ADGRE3: variants seen among roughly 807,000 people sequenced by gnomAD.
The protein encoded by ADGRE3 is adhesion G protein-coupled receptor E3, also known as EGF-like module receptor 3.
ADGRE3 carries 88 observed loss-of-function variants against 80.1 expected under a neutral mutation model. The observed-to-expected ratio is 1.10, with a 90% CI of 0.93 to 1.31. ADGRE3 has a LOEUF of 1.31. Among genes scored for constraint, ADGRE3 ranks in the 40% most tolerant of loss-of-function variants. The pLI, the probability that ADGRE3 is intolerant of heterozygous loss-of-function variation, is 0.00. For missense variants in ADGRE3, 715 were observed against 776.5 expected (o/e 0.92, Z 0.94); for synonymous variants, 281 against 294.8 (o/e 0.95, Z 0.48).
At chr19:14,619,667 A>C (rs1291248935) in intron 15 of ADGRE3, among the ~76,000 whole-genome samples, 196 bp from the exon 16 acceptor site, 1 of 152,246 alleles carries the variant, frequency 6.6e-6, no homozygotes, top group African/African-American at 2.4e-5. Context: ...AGACTTATCA[A>C]AAATTCAGCA....
intron 2 of ADGRE3, among the ~76,000 whole-genome samples, chr19:14,664,392 G>A (rs1466793134): frequency 6.6e-6 from 1 of 151,998 alleles, no homozygotes; most frequent in East Asian, 1.9e-4. Flanking sequence ...AGCCGAGATC[G>A]CGCCATTGTG....
chr19:14,616,882 T>C (rs909022618), downstream of ADGRE3, among the ~76,000 whole-genome samples: 1 of 149,476 alleles, frequency 6.7e-6, no homozygotes, highest in Non-Finnish European at 1.5e-5. Flanking sequence ...GCAACCTCCA[T>C]CTCCCGGGTT....
At chr19:14,617,289 TTC>T (rs1272535101), downstream of ADGRE3, among the ~76,000 whole-genome samples, 4 of 150,344 alleles carry the variant, frequency 2.7e-5, no homozygotes, top group South Asian at 2.1e-4. Context: ...TTCTTTCTCT[TTC>T]TCTCTCTCTT....
chr19:14,666,266 A>AT (rs1972103874), intron 2 of ADGRE3, among the ~76,000 whole-genome samples: 1 of 151,126 alleles, frequency 6.6e-6, no homozygotes, highest in African/African-American at 2.4e-5. Context: ...AACATCTATT[A>AT]TTTTTTTATT....
chr19:14,610,444 A>C, the ADGRE3 span: 3 of 524,208 alleles, frequency 5.7e-6, no homozygotes, highest in East Asian at 9.9e-5. Flanking sequence ...GAGGTCTCCC[A>C]CTTCTGGGGT....
At chr19:14,625,801 A>G (rs574217410) in intron 14 of ADGRE3, among the ~76,000 whole-genome samples, 3 of 152,336 alleles carry the variant, frequency 2.0e-5, no homozygotes, top group Non-Finnish European at 4.4e-5. Context: ...ATGAACCTTG[A>G]GGACATCAGG....
intron 10 of ADGRE3, among the ~76,000 whole-genome samples, chr19:14,639,286 G>A (rs917808164): frequency 2.0e-5 from 3 of 152,008 alleles, no homozygotes; most frequent in African/African-American, 7.2e-5. Flanking sequence ...ATTTCATAAT[G>A]TGTATGTCTA....
chr19:14,655,747 C>G (rs1030814221), intron 5 of ADGRE3, among the ~76,000 whole-genome samples: 1 of 151,928 alleles, frequency 6.6e-6, no homozygotes, highest in Admixed American at 6.6e-5. Context: ...TAGGAGTGAG[C>G]CACCGTGCCT....
Position 14,641,340 on chromosome 19 carries a change from A to G in ADGRE3, c.1248+79T>C, listed in dbSNP as rs575129327. ...CTACAGACCCAAGGACATTTTATTA[A>G]GGAATCTAGTGCAGCATTGCTCCAT... On this transcript the variant is annotated intron_variant, in intron 10 of 15. Transcript: ENST00000253673. 29 of 1,553,786 alleles carry G rather than the reference A, an allele frequency of 1.9e-5. No individual in the cohort carries two copies. The East Asian group carries it at 6.3e-4, about 34-fold the overall frequency.
At chr19:14,666,527 C>T (rs1972112667) in intron 2 of ADGRE3, among the ~76,000 whole-genome samples, 1 of 152,100 alleles carries the variant, frequency 6.6e-6, no homozygotes, top group African/African-American at 2.4e-5. Flanking sequence ...CAGATGCACA[C>T]CATCACACCT....
At chr19:14,641,747 A>G (rs1971257824) in intron 9 of ADGRE3, 131 bp from the exon 10 acceptor site, 2 of 1,104,666 alleles carry the variant, frequency 1.8e-6, no homozygotes, top group Non-Finnish European at 2.6e-6. Flanking sequence ...CTGCTAATGT[A>G]GATTGCTAAT....
rs776892717 is a variant in ADGRE3 at position 14,630,147 on chromosome 19, G to A, written c.1704C>T (p.Gly568=). 3 of 1,613,604 alleles carry A rather than the reference G, an allele frequency of 1.9e-6. No homozygotes were observed. Among genetic ancestry groups the A allele is most frequent in the South Asian group, 2.2e-5 (2 of 91,022 alleles). Residue 568 remains glycine (G), a synonymous_variant, in exon 14 of 16, where the codon GGC becomes GGT. Coordinates refer to ENST00000253673, the MANE Select transcript of ADGRE3 (RefSeq NM_032571.5). ...LFILGCTWCL[G]LLQVGPAAQV... ...GGGCAGCTGGACCCACCTGTAGCAA[G>A]CCCAGACACCATGTGCAGCCCAGGA...
chr19:14,648,329 T>C (rs368937216), intron 7 of ADGRE3, among the ~76,000 whole-genome samples: 114 of 152,238 alleles, frequency 7.5e-4, no homozygotes, highest in African/African-American at 2.7e-3. Flanking sequence ...TGAATTTGTG[T>C]TTGGCCTGCA....
the ADGRE3 span, chr19:14,611,239 A>G: frequency 6.6e-6 from 1 of 152,144 alleles, no homozygotes; most frequent in Admixed American, 6.6e-5. Context: ...GGTCTCAAAC[A>G]GCACAAATAA....
At chr19:14,620,439 T>A (rs12985372) in intron 15 of ADGRE3, among the ~76,000 whole-genome samples, 1 of 144,312 alleles carries the variant, frequency 6.9e-6, no homozygotes, top group South Asian at 2.1e-4. Context: ...AATATATATG[T>A]ATATTCATGT....
chr19:14,602,443 C>T, the ADGRE3 span, among the ~76,000 whole-genome samples: 5 of 152,104 alleles, frequency 3.3e-5, no homozygotes, highest in Non-Finnish European at 7.4e-5. Flanking sequence ...CAGGTGTGTG[C>T]CACCATGCCT....
intron 10 of ADGRE3, among the ~76,000 whole-genome samples, chr19:14,639,236 G>A (rs1379386285): frequency 6.6e-6 from 1 of 152,096 alleles, no homozygotes; most frequent in Admixed American, 6.5e-5. Context: ...GAAATGATAA[G>A]TATGGAAGTG....
chr19:14,625,684 G>T, intron 14 of ADGRE3, 85 bp from the exon 15 acceptor site: 1 of 758,456 alleles, frequency 1.3e-6, no homozygotes, highest in Non-Finnish European at 2.3e-6. Flanking sequence ...AGAGGATAGA[G>T]ATGTATTATT....
chr19:14,620,531 T>TG lies in ADGRE3; in HGVS notation c.1921-1061_1921-1060insC, dbSNP rs1568471310. Among the ~76,000 whole-genome samples, 17 of 11,636 alleles carry TG rather than the reference T, an allele frequency of 1.5e-3. 1 individual carries two copies. Among genetic ancestry groups the TG allele is most frequent in the African/African-American group, 9.2e-3 (17 of 1,838 alleles). 7.6% of individuals were successfully genotyped at this position (11,636 alleles called of 152,430 possible). Reference sequence around the variant, plus strand: ...TATATTATGACTATATATGAATATATATATTTTATATATATATTATATATA... The same window carrying TG: ...TATATTATGACTATATATGAATATATGATATTTTATATATATATTATATATA... On this transcript the variant is annotated intron_variant, in intron 15 of 15. Transcript: ENST00000253673.
Sources: gnomAD v4.1 joint callset for allele counts (sites outside exome capture counted in the v4.1 genomes callset) on GRCh38, gnomAD v4.1.1 for gene constraint, MANE v1.5 for transcripts, NCBI Gene and HGNC (gene_info 2026-07-23, HGNC 2026-07-21) for gene names.